TMEM178B: variants seen among roughly 807,000 people sequenced by gnomAD.
TMEM178B encodes the protein transmembrane protein 178B.
In TMEM178B, 5 loss-of-function variants were observed where a neutral mutation model predicts 31.0. The ratio of observed to expected loss-of-function variants is 0.16; its 90% CI spans 0.08 to 0.34. TMEM178B has a LOEUF of 0.34. Among genes scored for constraint, TMEM178B ranks in the 10% least tolerant of loss-of-function variants. The pLI is 1.00. For missense variants in TMEM178B, 275 were observed against 400.3 expected, an observed-to-expected ratio of 0.69 and a Z score of 2.67; for synonymous variants, 164 against 164.0, an observed-to-expected ratio of 1.00 and a Z score of 0.00.
chr7:141,125,841 A>T (rs190416995), intron 1 of TMEM178B, among the ~76,000 whole-genome samples: 61 of 152,326 alleles, frequency 4.0e-4, no homozygotes, highest in Admixed American at 3.1e-3. Flanking sequence ...TTCTTTTGGT[A>T]CTGGAAGTGC....
intron 1 of TMEM178B, among the ~76,000 whole-genome samples, chr7:141,091,148 AT>A (rs1794874083): frequency 6.6e-6 from 1 of 152,170 alleles, no homozygotes; most frequent in South Asian, 2.1e-4. Flanking sequence ...CTGGAAAATG[AT>A]TTCCAGCACT....
At chr7:141,110,785 G>C (rs1379539583) in intron 1 of TMEM178B, among the ~76,000 whole-genome samples, 1 of 152,214 alleles carries the variant, frequency 6.6e-6, no homozygotes, top group African/African-American at 2.4e-5. Flanking sequence ...GGGTAAGGGA[G>C]TAATTGAGAT....
At chr7:141,300,865 C>T (rs767796187) in intron 2 of TMEM178B, among the ~76,000 whole-genome samples, 11 of 152,080 alleles carry the variant, frequency 7.2e-5, no homozygotes, top group Non-Finnish European at 1.5e-4. Context: ...TCTGTTTACC[C>T]TTCTTAATTT....
the TMEM178B span, among the ~76,000 whole-genome samples, chr7:141,488,964 G>A: frequency 6.6e-6 from 1 of 151,982 alleles, no homozygotes; most frequent in Non-Finnish European, 1.5e-5. Context: ...AAGAGAAGGA[G>A]GAGGGAGGAG....
chr7:141,099,740 A>G (rs1795021314), intron 1 of TMEM178B, among the ~76,000 whole-genome samples: 1 of 152,082 alleles, frequency 6.6e-6, no homozygotes, highest in East Asian at 1.9e-4. Context: ...TGCTAGGTTG[A>G]GTCAAAGCAT....
chr7:141,146,997 T>C (rs543159951), intron 1 of TMEM178B, among the ~76,000 whole-genome samples: 1 of 152,332 alleles, frequency 6.6e-6, no homozygotes, highest in South Asian at 2.1e-4. Flanking sequence ...ATTACATGCA[T>C]TTGCATCTTG....
At chr7:141,280,561 C>T (rs955092571) in intron 2 of TMEM178B, among the ~76,000 whole-genome samples, 2 of 152,154 alleles carry the variant, frequency 1.3e-5, no homozygotes, top group Admixed American at 6.5e-5. Context: ...TCCCCAGCCA[C>T]GTGGAACTGT....
intron 1 of TMEM178B, among the ~76,000 whole-genome samples, chr7:141,174,691 T>G (rs1187837259): frequency 6.6e-6 from 1 of 152,270 alleles, no homozygotes. Context: ...GTGGTTTTGA[T>G]TTGCATTTCT....
chr7:141,352,169 A>C (rs1799741326), intron 2 of TMEM178B: 1 of 152,612 alleles, frequency 6.6e-6, no homozygotes, highest in African/African-American at 2.4e-5. Flanking sequence ...CACATGCCAG[A>C]CATCATTGAA....
chr7:141,369,005 A>C (rs1800060638), intron 2 of TMEM178B, among the ~76,000 whole-genome samples: 2 of 148,024 alleles, frequency 1.4e-5, no homozygotes, highest in South Asian at 4.9e-4. Context: ...GATGGGGCCC[A>C]CTCTAAGAAC....
chr7:141,197,833 A>T (rs1796808830), intron 1 of TMEM178B, among the ~76,000 whole-genome samples: 1 of 152,164 alleles, frequency 6.6e-6, no homozygotes, highest in Admixed American at 6.5e-5. Flanking sequence ...GGGTTTCACC[A>T]TGATGGCCAA....
chr7:141,385,297 C>T (rs898615964), intron 2 of TMEM178B, among the ~76,000 whole-genome samples: 33 of 152,200 alleles, frequency 2.2e-4, no homozygotes, highest in African/African-American at 7.7e-4. Context: ...TAACCGTTAA[C>T]AGGGAACCAG....
In TMEM178B at chr7:141,245,170, C is replaced by CAAA. The variant is rs59281560; in HGVS notation, c.496+32504_496+32506dup. Among the ~76,000 whole-genome samples, 36 of 23,108 alleles carry CAAA rather than the reference C, an allele frequency of 1.6e-3. 5 individuals are homozygous for CAAA. Among genetic ancestry groups the CAAA allele is most frequent in the Non-Finnish European group, 1.9e-3 (22 of 11,798 alleles). The allele number at this position is 23,108 out of a possible 152,430, so 15.2% of individuals were successfully genotyped here. On this transcript the variant is annotated intron_variant, in intron 2 of 3. Coordinates refer to ENST00000565468, the MANE Select transcript of TMEM178B (RefSeq NM_001195278.2). Reference sequence around the variant, plus strand: ...GGGTGACAGAGCAAGACTCCATCACCAAAAAAAAAAAAAAAAAAAAAAAAA... The same window carrying CAAA: ...GGGTGACAGAGCAAGACTCCATCACCAAAAAAAAAAAAAAAAAAAAAAAAAAAA...
chr7:141,109,989 A>C (rs1795208965), intron 1 of TMEM178B, among the ~76,000 whole-genome samples: 1 of 152,228 alleles, frequency 6.6e-6, no homozygotes, highest in Admixed American at 6.5e-5. Flanking sequence ...GCAAAAATTA[A>C]ACAGGATTTT....
intron 1 of TMEM178B, among the ~76,000 whole-genome samples, chr7:141,114,435 C>G (rs1365905204): frequency 2.6e-5 from 4 of 151,866 alleles, no homozygotes; most frequent in Non-Finnish European, 5.9e-5. Context: ...ATATCTCTCC[C>G]TTTCTGCCCC....
intron 1 of TMEM178B, among the ~76,000 whole-genome samples, chr7:141,087,708 A>G (rs538095072): frequency 2.4e-4 from 36 of 152,344 alleles, no homozygotes; most frequent in African/African-American, 8.7e-4. Flanking sequence ...AACTGAGTAG[A>G]GAGTGTTAGT....
At chr7:141,293,169 C>T (rs1156736745) in intron 2 of TMEM178B, among the ~76,000 whole-genome samples, 1 of 152,170 alleles carries the variant, frequency 6.6e-6, no homozygotes, top group Non-Finnish European at 1.5e-5. Flanking sequence ...AGATGAAACA[C>T]ACTTGAAATG....
chr7:141,322,842 C>T (rs1414877833), intron 2 of TMEM178B, among the ~76,000 whole-genome samples: 3 of 152,132 alleles, frequency 2.0e-5, no homozygotes, highest in Non-Finnish European at 4.4e-5. Flanking sequence ...TCCCCTCTCT[C>T]CTTCTTCTCC....
At chr7:141,174,666 A>G (rs1796399408) in intron 1 of TMEM178B, among the ~76,000 whole-genome samples, 1 of 152,216 alleles carries the variant, frequency 6.6e-6, no homozygotes, top group African/African-American at 2.4e-5. Flanking sequence ...AACTGGCATG[A>G]GATGGTATCT....
Sources: allele counts gnomAD v4.1 joint callset (sites outside exome capture counted in the v4.1 genomes callset), GRCh38; gene constraint gnomAD v4.1.1; transcripts MANE v1.5; gene names NCBI Gene and HGNC (gene_info 2026-07-23, HGNC 2026-07-21).